MAP4K1: variants seen among roughly 807,000 people sequenced by gnomAD.
MAP4K1 encodes the protein mitogen-activated protein kinase kinase kinase kinase 1.
In MAP4K1, 35 loss-of-function variants were observed where a neutral mutation model predicts 122.8. The observed-to-expected ratio is 0.29, with a 90% CI of 0.22 to 0.38. The LOEUF is 0.38. MAP4K1 is among the 10% of genes least tolerant of loss of function. The pLI is 1.00. For missense variants in MAP4K1, 791 were observed against 1,072.6 expected, an observed-to-expected ratio of 0.74 and a Z score of 3.67; for synonymous variants, 412 against 421.3, an observed-to-expected ratio of 0.98 and a Z score of 0.27.
chr19:38,599,556 G>T lies in MAP4K1; in HGVS notation c.1669+369C>A, dbSNP rs1368213453. Among the ~76,000 whole-genome samples, 3 of 152,018 alleles carry T rather than the reference G, an allele frequency of 2.0e-5. No homozygotes were observed. The East Asian group carries it at 5.8e-4, about 29-fold the overall frequency. On this transcript the variant is annotated intron_variant, in intron 22 of 30. Transcript: ENST00000396857. ...GCACACCTGTAATTCCAGCTACTCA[G>T]GAGGCTGAGGCATGAGAATCACTTG...
At chr19:38,596,932 G>T in intron 25 of MAP4K1, 102 bp downstream of exon 25, 2 of 1,132,356 alleles carry the variant, frequency 1.8e-6, no homozygotes, top group Non-Finnish European at 2.6e-6. Flanking sequence ...GCGGGGCCTC[G>T]ACGGAGGTGG....
At chr19:38,589,258 G>C in intron 30 of MAP4K1, 1 of 204,356 alleles carries the variant, frequency 4.9e-6, no homozygotes, top group South Asian at 4.8e-5. Flanking sequence ...AGGCGAGATC[G>C]TGCCACTGCA....
chr19:38,590,438 A>G (rs570233577), intron 30 of MAP4K1, among the ~76,000 whole-genome samples: 59 of 90,700 alleles, frequency 6.5e-4, no homozygotes, highest in Middle Eastern at 0.015. Flanking sequence ...TATATATATA[A>G]TCACGGGCGT....
intron 29 of MAP4K1, 84 bp downstream of exon 29, chr19:38,595,401 C>G (rs902463525): frequency 7.9e-6 from 11 of 1,400,972 alleles, no homozygotes; most frequent in Non-Finnish European, 1.1e-5. Context: ...CACACTCTGA[C>G]TCAGGAGTTC....
chr19:38,612,853 G>T, intron 8 of MAP4K1, 111 bp from the exon 9 acceptor site: 2 of 1,183,564 alleles, frequency 1.7e-6, no homozygotes, highest in Non-Finnish European at 2.4e-6. Flanking sequence ...AGAGTCAGAT[G>T]GAGAGACAGA....
Position 38,609,950 on chromosome 19 carries a change from T to A in MAP4K1, c.886A>T (p.Lys296Ter). 6.2e-7 allele frequency: 1 copy of A among 1,614,208 alleles called. No homozygotes were observed. The highest frequency in any genetic ancestry group is 8.5e-7 in the Non-Finnish European group (1 of 1,180,030). ...DLLDKLKNPG[K>*]GPSIGDIEDE... ...TCAATGTCCCCAATGGAGGGTCCTTTCCCGGGATTCTTCAGTTTGTCAAGA... is the reference window on the plus strand; with the variant it reads ...TCAATGTCCCCAATGGAGGGTCCTTACCCGGGATTCTTCAGTTTGTCAAGA... The change falls in exon 12 of 31, where the codon AAA becomes TAA. Residue 296 changes from lysine (K) to a stop codon, truncating the protein, a stop_gained. Transcript: ENST00000396857. LOFTEE classifies it high-confidence loss of function.
At chr19:38,605,363 C>T in intron 19 of MAP4K1, 46 bp downstream of exon 19, 1 of 1,486,026 alleles carries the variant, frequency 6.7e-7, no homozygotes, top group Non-Finnish European at 9.2e-7. Context: ...CCAGGCATCC[C>T]CAGCCCCGTC....
chr19:38,595,856 C>T (rs1974858648), intron 27 of MAP4K1, 83 bp downstream of exon 27: 1 of 1,551,636 alleles, frequency 6.4e-7, no homozygotes, highest in Non-Finnish European at 8.9e-7. Context: ...TCAGGGGGTT[C>T]TGAGAAGCAC....
rs78554147 is a variant in MAP4K1, at chr19:38,590,901, T to C, written c.2396+2381A>G. ...TTGCTTTGATTCAGGAAACATACAC[T>C]GAAGTATTTTAGGGGTAAATGGGCA... On this transcript the variant is annotated intron_variant, in intron 30 of 30. Coordinates refer to ENST00000396857, the MANE Select transcript of MAP4K1 (RefSeq NM_001042600.3). Among the ~76,000 whole-genome samples, 1,218 of 151,958 alleles carry C rather than the reference T, an allele frequency of 8.0e-3. 32 individuals carry two copies. Among genetic ancestry groups the C allele is most frequent in the East Asian group, 0.06 (307 of 5,158 alleles).
At chr19:38,592,364 C>T (rs551428040) in intron 30 of MAP4K1, 60 of 151,628 alleles carry the variant, frequency 4.0e-4, no homozygotes, top group African/African-American at 1.4e-3. Context: ...CACCTGAGGT[C>T]AGTAGTTTGA....
chr19:38,609,756 G>T, intron 12 of MAP4K1, 82 bp from the exon 13 acceptor site: 2 of 1,382,032 alleles, frequency 1.4e-6, no homozygotes, highest in Non-Finnish European at 1.0e-6. Flanking sequence ...GCTCTCTCCT[G>T]TAACCCTCTG....
chr19:38,611,348 G>C, intron 9 of MAP4K1, 43 bp from the exon 10 acceptor site: 3 of 1,369,872 alleles, frequency 2.2e-6, no homozygotes, highest in Non-Finnish European at 3.1e-6. Flanking sequence ...ACCCTCAAGG[G>C]GGCCAGACCT....
At chr19:38,590,011 CAGAG>C (rs1405939351) in intron 30 of MAP4K1, among the ~76,000 whole-genome samples, 11 of 151,602 alleles carry the variant, frequency 7.3e-5, no homozygotes, top group African/African-American at 1.5e-4. Flanking sequence ...GCCAGGGTGA[CAGAG>C]AGAGAATCTA....
intron 20 of MAP4K1, 53 bp downstream of exon 20, chr19:38,601,388 A>G (rs1975058683): frequency 1.3e-6 from 2 of 1,497,716 alleles, no homozygotes; most frequent in East Asian, 2.4e-5. Context: ...CCCCACCCCT[A>G]CTTTTGCTCT....
intron 19 of MAP4K1, among the ~76,000 whole-genome samples, chr19:38,602,018 T>C (rs1975079471): frequency 6.6e-6 from 1 of 152,062 alleles, no homozygotes; most frequent in South Asian, 2.1e-4. Context: ...CCTCATGTGA[T>C]TCACCTGCCT....
intron 13 of MAP4K1, among the ~76,000 whole-genome samples, chr19:38,609,379 C>A (rs913516190): frequency 6.6e-6 from 1 of 152,110 alleles, no homozygotes; most frequent in Non-Finnish European, 1.5e-5. Context: ...AGATGATCTG[C>A]CCACCTTGGC....
At chr19:38,593,531 C>T (rs1254527361) in intron 29 of MAP4K1, among the ~76,000 whole-genome samples, 194 bp from the exon 30 acceptor site, 1 of 152,146 alleles carries the variant, frequency 6.6e-6, no homozygotes, top group Non-Finnish European at 1.5e-5. Flanking sequence ...GGCAAAACCT[C>T]GTCTCTACTA....
chr19:38,617,820 C>T lies in MAP4K1; in HGVS notation c.76G>A (p.Gly26Ser), dbSNP rs1316820491. ...HYDLLQRLGG[G>S]TYGEVFKARD... Reference sequence around the variant, plus strand: ...ACCTTAAAGACTTCCCCATACGTGCCGCCACCCAGCCGCTGTAGCAGGTCA... The same window carrying T: ...ACCTTAAAGACTTCCCCATACGTGCTGCCACCCAGCCGCTGTAGCAGGTCA... Residue 26 changes from glycine (G) to serine (S), a missense_variant, in exon 1 of 31, where the codon GGC becomes AGC. By Grantham distance (56) the Gly-to-Ser change is moderately conservative. This residue lies in a region of MAP4K1 where 163 missense variants were observed against 286.1 expected (regional missense o/e 0.57). Coordinates refer to ENST00000396857, the MANE Select transcript of MAP4K1 (RefSeq NM_001042600.3). This position sits in a 1 kb window ranked among gnomAD's most constrained non-coding sequence, Gnocchi z 4.1. 3 of 1,613,986 alleles carry T rather than the reference C, an allele frequency of 1.9e-6. No homozygotes were observed. Among genetic ancestry groups the T allele is most frequent in the Non-Finnish European group, 2.5e-6 (3 of 1,180,006 alleles).
intron 30 of MAP4K1, among the ~76,000 whole-genome samples, chr19:38,591,526 CAA>C (rs5828010): frequency 0.021 from 1,398 of 66,622 alleles, 17 homozygotes; most frequent in East Asian, 0.091. Flanking sequence ...GACTCCATCT[CAA>C]AAAAAAAAAA....
Sources: allele counts gnomAD v4.1 joint callset (sites outside exome capture counted in the v4.1 genomes callset), GRCh38; gene constraint gnomAD v4.1.1; regional missense constraint gnomAD v4.1.1; non-coding constraint Gnocchi (gnomAD v3.1); transcripts MANE v1.5; gene names NCBI Gene and HGNC (gene_info 2026-07-23, HGNC 2026-07-21).